HIPK1: variants seen among roughly 807,000 people sequenced by gnomAD.
HIPK1 encodes homeodomain interacting protein kinase 1, also known as homeodomain-interacting protein kinase 1.
Under a neutral mutation model 117.1 loss-of-function variants are expected in HIPK1, and 28 were observed. That is an observed-to-expected ratio of 0.24 (90% CI 0.18 to 0.33). The LOEUF (loss-of-function observed/expected upper bound fraction) is 0.33. Ranked by LOEUF, HIPK1 falls within the 10% of genes least tolerant of loss-of-function variation. The pLI is 1.00. For missense variants in HIPK1, 1,122 were observed against 1,475.1 expected, an observed-to-expected ratio of 0.76 and a Z score of 3.92; for synonymous variants, 605 against 562.5, an observed-to-expected ratio of 1.08 and a Z score of -1.07.
chr1:113,947,696 G>A (rs1671076152), intron 2 of HIPK1, among the ~76,000 whole-genome samples: 1 of 152,208 alleles, frequency 6.6e-6, no homozygotes, highest in Non-Finnish European at 1.5e-5. Flanking sequence ...TGAAGTTGGG[G>A]AATCAAAAGG....
chr1:113,954,548 T>G (rs1001763174), intron 3 of HIPK1, 103 bp from the exon 4 acceptor site: 2 of 1,222,350 alleles, frequency 1.6e-6, no homozygotes, highest in Admixed American at 2.2e-5. Flanking sequence ...GATTAAAGAT[T>G]TGATTTCTTC....
At chr1:113,932,688 T>G (rs1669976665) in intron 1 of HIPK1, among the ~76,000 whole-genome samples, 1 of 152,174 alleles carries the variant, frequency 6.6e-6, no homozygotes, top group Non-Finnish European at 1.5e-5. Context: ...CTGGATCGCC[T>G]TTTTCTCATC....
In HIPK1 at chr1:113,948,232, A is replaced by C. The variant is rs192983507; in HGVS notation, c.1077-4534A>C. Among the ~76,000 whole-genome samples the C allele has an allele frequency of 3.8e-3, 573 of 152,234 alleles. 3 individuals carry two copies. Among genetic ancestry groups the C allele is most frequent in the Non-Finnish European group, 5.6e-3 (380 of 67,996 alleles). ...TCTAACATTTATAGGCCCAAATAAT[A>C]CAAAACCCTCAGTGAACTAAGCAGC... On this transcript the variant is annotated intron_variant, in intron 2 of 15. Coordinates refer to ENST00000426820, the MANE Select transcript of HIPK1 (RefSeq NM_198268.3).
chr1:113,938,959 CACACTT>C (rs1299265852), intron 1 of HIPK1, among the ~76,000 whole-genome samples: 7 of 140,472 alleles, frequency 5.0e-5, no homozygotes, highest in Non-Finnish European at 1.1e-4. Context: ...CACACACACA[CACACTT>C]AGGAGATGGA....
At chr1:113,936,874 A>T (rs1354014175) in intron 1 of HIPK1, among the ~76,000 whole-genome samples, 1 of 152,188 alleles carries the variant, frequency 6.6e-6, no homozygotes, top group Non-Finnish European at 1.5e-5. Flanking sequence ...AGTTGTGTTT[A>T]TGTTTTTTGA....
chr1:113,971,332 C>A (rs1271299137), intron 14 of HIPK1, among the ~76,000 whole-genome samples: 1 of 152,174 alleles, frequency 6.6e-6, no homozygotes, highest in East Asian at 1.9e-4. Context: ...CAGAAGCAAG[C>A]AAAATTTCAC....
In HIPK1 at chr1:113,976,183, T is replaced by C. The variant is rs1255039814; in HGVS notation, c.*2671T>C. 6.5e-6 allele frequency: 1 copy of C among 152,770 alleles called. No homozygotes were observed. Among genetic ancestry groups the C allele is most frequent in the Non-Finnish European group, 1.5e-5 (1 of 68,038 alleles). The allele number at this position is 152,770 out of a possible 1,614,324, so 9.5% of individuals were successfully genotyped here. A position where few individuals can be genotyped will look rare whatever the true frequency, so the allele number is the denominator to read the frequency against. Reference sequence around the variant, plus strand: ...CGTACAGCCTACCAGGAACATGTTGTGTTTTCTTTATTTTTTAAAATCATT... The same window carrying C: ...CGTACAGCCTACCAGGAACATGTTGCGTTTTCTTTATTTTTTAAAATCATT... On this transcript the variant is annotated 3_prime_UTR_variant, in exon 16 of 16. Coordinates refer to ENST00000426820, the MANE Select transcript of HIPK1 (RefSeq NM_198268.3).
At position 113,957,297 on chromosome 1, in the gene HIPK1, A is replaced by G; in HGVS notation, c.1755+11A>G. 1 of 1,600,822 alleles carries G rather than the reference A, an allele frequency of 6.2e-7. No homozygotes were observed. The highest frequency in any genetic ancestry group is 8.5e-7 in the Non-Finnish European group (1 of 1,170,856). On this transcript the variant is annotated intron_variant, in intron 7 of 15. Transcript: ENST00000426820. ...ACAGTGCACAATCAGGTATTCAATA[A>G]ATAATTTTGGAAACTCAAGCTTAAG...
chr1:113,972,442 C>T (rs962786323), intron 15 of HIPK1, among the ~76,000 whole-genome samples: 3 of 152,204 alleles, frequency 2.0e-5, no homozygotes, highest in Non-Finnish European at 4.4e-5. Context: ...CCAGCCCCAA[C>T]CTACCCTTCT....
chr1:113,944,552 C>T (rs1308450307), intron 2 of HIPK1, among the ~76,000 whole-genome samples: 3 of 148,854 alleles, frequency 2.0e-5, no homozygotes, highest in East Asian at 4.0e-4. Context: ...GGCACAATCT[C>T]GGTTCACTGC....
intron 10 of HIPK1, 49 bp from the exon 11 acceptor site, chr1:113,966,081 G>C (rs763233230): frequency 6.4e-7 from 1 of 1,561,984 alleles, no homozygotes. Context: ...AGAAGAAAAA[G>C]CCAAGAATGA....
At chr1:113,942,176 C>T (rs1645952385) in intron 2 of HIPK1, among the ~76,000 whole-genome samples, 1 of 151,016 alleles carries the variant, frequency 6.6e-6, no homozygotes, top group African/African-American at 2.4e-5. Context: ...TCTCCTGCTA[C>T]TCCTGTCCTG....
In HIPK1 at chr1:113,968,484, T is replaced by C. The variant is rs1474429308; in HGVS notation, c.2607T>C (p.Val869=). 6.2e-7 allele frequency: 1 copy of C among 1,614,130 alleles called. No homozygotes were observed. The highest frequency in any genetic ancestry group is 8.5e-7 in the Non-Finnish European group (1 of 1,179,964). ...TGCCTTCCCAAGTCTATTCTCTGGT[T>C]GGGAGCAGTCCCCTCCGCACCACAT... ...DVLPSQVYSL[V]GSSPLRTTSS... is the part of the protein sequence containing the mutation. The change falls in exon 13 of 16, where the codon GTT becomes GTC. Residue 869 remains valine (V), a synonymous_variant. Coordinates refer to ENST00000426820, the MANE Select transcript of HIPK1 (RefSeq NM_198268.3).
intron 1 of HIPK1, among the ~76,000 whole-genome samples, chr1:113,937,181 AT>A (rs1448372749): frequency 6.6e-5 from 10 of 152,192 alleles, no homozygotes; most frequent in Admixed American, 6.5e-4. Context: ...GTTTATATAA[AT>A]TATGGAAACT....
At chr1:113,930,640 T>C (rs1669818368) in intron 1 of HIPK1, 1 of 152,290 alleles carries the variant, frequency 6.6e-6, no homozygotes, top group Admixed American at 6.5e-5. Context: ...GCCCACACTG[T>C]TCACAGGTCT....
At chr1:113,970,304 C>T in intron 14 of HIPK1, 107 bp downstream of exon 14, 1 of 1,247,682 alleles carries the variant, frequency 8.0e-7, no homozygotes, top group Non-Finnish European at 1.1e-6. Context: ...GTGGTGTAGA[C>T]ATTCTTAAAG....
At chr1:113,934,633 G>T (rs1480610550) in intron 1 of HIPK1, among the ~76,000 whole-genome samples, 1 of 151,952 alleles carries the variant, frequency 6.6e-6, no homozygotes, top group African/African-American at 2.4e-5. Flanking sequence ...AAGAGGCGCA[G>T]CATTTTCAGG....
At chr1:113,935,232 A>G (rs1670177816) in intron 1 of HIPK1, among the ~76,000 whole-genome samples, 1 of 151,816 alleles carries the variant, frequency 6.6e-6, no homozygotes, top group East Asian at 1.9e-4. Flanking sequence ...CTTTGTGTCC[A>G]TGTGTTCTCG....
At chr1:113,951,127 TAGAAC>T (rs1671335298) in intron 2 of HIPK1, 9 of 614,838 alleles carry the variant, frequency 1.5e-5, no homozygotes, top group Non-Finnish European at 1.8e-5. Context: ...ATAAAGAACT[TAGAAC>T]AGTGCATGGC....
Sources: allele counts gnomAD v4.1 joint callset (sites outside exome capture counted in the v4.1 genomes callset), GRCh38; gene constraint gnomAD v4.1.1; transcripts MANE v1.5; gene names NCBI Gene and HGNC (gene_info 2026-07-23, HGNC 2026-07-21).